SH3D21: variants seen among roughly 807,000 people sequenced by gnomAD.
SH3D21 encodes manchette microtubule inner protein 1.
SH3D21 carries 83 observed loss-of-function variants against 82.1 expected under a neutral mutation model. The observed-to-expected ratio is 1.01, with a 90% CI of 0.85 to 1.21. The LOEUF is 1.21. Ranked by LOEUF, SH3D21 falls within the 50% of genes most tolerant of loss-of-function variation. The probability of loss-of-function intolerance (pLI) is 0.00; values close to 1 mark genes in which losing one functional copy is unlikely to be tolerated. For synonymous variants in SH3D21, 383 were observed against 387.8 expected, an observed-to-expected ratio of 0.99 and a Z score of 0.15; for missense variants, 980 against 962.1, an observed-to-expected ratio of 1.02 and a Z score of -0.25.
chr1:36,310,444 T>C lies in SH3D21; in HGVS notation c.769+854T>C, dbSNP rs1049731388. Reference sequence around the variant, plus strand: ...GCCTGGCCAACATGGCAAAACCTTGTCTCTACTATAAAAATACAAAAATTA... The same window carrying C: ...GCCTGGCCAACATGGCAAAACCTTGCCTCTACTATAAAAATACAAAAATTA... On this transcript the variant is annotated intron_variant, in intron 10 of 15. Transcript: ENST00000453908. Among the ~76,000 whole-genome samples, 35 of 152,122 alleles carry C rather than the reference T, an allele frequency of 2.3e-4. 1 individual carries two copies. The highest frequency in any genetic ancestry group is 8.0e-4 in the African/African-American group (33 of 41,494).
chr1:36,312,646 A>G (rs1051194388), intron 10 of SH3D21, among the ~76,000 whole-genome samples: 1 of 152,206 alleles, frequency 6.6e-6, no homozygotes, highest in African/African-American at 2.4e-5. Context: ...TACAATATTA[A>G]ATAGAAGTAG....
At chr1:36,322,376 C>T (rs369836809), downstream of SH3D21, 19 of 1,592,602 alleles carry the variant, frequency 1.2e-5, no homozygotes, top group Middle Eastern at 7.7e-4. Flanking sequence ...GGTCCGGCTG[C>T]CCGGTGCGCC....
At chr1:36,326,318 G>C (rs111362452), downstream of SH3D21, among the ~76,000 whole-genome samples, 1,227 of 150,840 alleles carry the variant, frequency 8.1e-3, 7 homozygotes, top group Non-Finnish European at 0.012. Context: ...TGCAACCTCT[G>C]TCTCCCGGAT....
downstream of SH3D21, chr1:36,322,652 G>A (rs754506123): frequency 2.5e-5 from 38 of 1,546,632 alleles, no homozygotes; most frequent in East Asian, 8.3e-4. Flanking sequence ...TGCTGATGAC[G>A]AGCAGGCAGA....
Position 36,319,394 on chromosome 1 carries a change from G to A in SH3D21, c.917-48G>A, listed in dbSNP as rs780651578. On this transcript the variant is annotated intron_variant, in intron 12 of 15. Transcript: ENST00000453908. ...GTGCGGAGGGACAGAGGTGGGAAGA[G>A]ACTGAGGGTCAGAGTAGGCTTGGGT... 31 of 1,551,048 alleles carry A rather than the reference G, an allele frequency of 2.0e-5. No homozygotes were observed. In the South Asian group the frequency reaches 3.6e-4, roughly 18 times the overall value.
chr1:36,313,920 T>C (rs1328323923), intron 10 of SH3D21, among the ~76,000 whole-genome samples: 2 of 151,278 alleles, frequency 1.3e-5, no homozygotes, highest in African/African-American at 2.4e-5. Flanking sequence ...TGGTATCTCA[T>C]TGTGGCTTTG....
downstream of SH3D21, chr1:36,322,692 A>G (rs1408403502): frequency 1.9e-6 from 3 of 1,547,318 alleles, no homozygotes; most frequent in Admixed American, 5.9e-5. Context: ...GCAGACGCCC[A>G]GCACGAAGTA....
intron 10 of SH3D21, among the ~76,000 whole-genome samples, chr1:36,316,594 G>A (rs1026433140): frequency 6.6e-6 from 1 of 151,984 alleles, no homozygotes; most frequent in Non-Finnish European, 1.5e-5. Flanking sequence ...AAGCTGCTTC[G>A]GTCCTCCTGA....
chr1:36,318,427 A>T (rs970336111), intron 10 of SH3D21, among the ~76,000 whole-genome samples: 3 of 152,168 alleles, frequency 2.0e-5, no homozygotes, highest in Non-Finnish European at 4.4e-5. Context: ...AATTAAACCC[A>T]TAAGACTGGG....
chr1:36,307,906 T>G lies in SH3D21; in HGVS notation c.493-12T>G. The G allele has an allele frequency of 6.4e-7, 1 of 1,551,674 alleles. No homozygotes were observed. The highest frequency in any genetic ancestry group is 8.7e-7 in the Non-Finnish European group (1 of 1,146,964). On this transcript the variant is annotated splice_polypyrimidine_tract_variant and intron_variant, in intron 6 of 15. Coordinates refer to ENST00000453908, the MANE Select transcript of SH3D21 (RefSeq NM_001162530.2). This position sits in a 1 kb window ranked among gnomAD's most constrained non-coding sequence, Gnocchi z 5.4. ...GGCTCATCTAGTTCCTCCCTGCCCC[T>G]TCCCCCACTAGCTGAGCAGCCTGGC...
chr1:36,321,620 C>T, downstream of SH3D21: 1 of 985,658 alleles, frequency 1.0e-6, no homozygotes, highest in Non-Finnish European at 1.2e-6. The surrounding 1 kb of genome is among the most constrained non-coding windows in gnomAD (Gnocchi z 6.1). Flanking sequence ...TCGGCGCAGA[C>T]GTGAAGTCCA....
chr1:36,316,090 G>C (rs1646337893), intron 10 of SH3D21, among the ~76,000 whole-genome samples: 1 of 152,168 alleles, frequency 6.6e-6, no homozygotes, highest in Non-Finnish European at 1.5e-5. Flanking sequence ...TGTTGTGTCT[G>C]CTGACTCCAT....
chr1:36,327,207 C>T (rs567394114), downstream of SH3D21, among the ~76,000 whole-genome samples: 50 of 152,258 alleles, frequency 3.3e-4, no homozygotes, highest in African/African-American at 9.9e-4. Flanking sequence ...CTGCCTTGGC[C>T]GAGATTTGAA....
At position 36,320,212 on chromosome 1, in the gene SH3D21, T is replaced by C. The variant is rs373370249; in HGVS notation, c.1549T>C (p.Tyr517His). ...SSEEALQKVKYFVAKEDPSSQ... is the reference protein window; with the variant it reads ...SSEEALQKVKHFVAKEDPSSQ... ...GGAGGAAGCCCTGCAGAAGGTCAAG[T>C]ACTTTGTAGCCAAAGAGGATCCATC... The change falls in exon 14 of 16, where the codon TAC (tyrosine) becomes CAC (histidine). Residue 517 changes from tyrosine to histidine, a missense_variant. Transcript: ENST00000453908. The C allele has an allele frequency of 3.1e-6, 5 of 1,613,110 alleles. No homozygotes were observed. The highest frequency in any genetic ancestry group is 2.2e-5 in the East Asian group (1 of 44,886).
At chr1:36,311,627 C>T (rs1459836197) in intron 10 of SH3D21, among the ~76,000 whole-genome samples, 1 of 151,988 alleles carries the variant, frequency 6.6e-6, no homozygotes, top group Non-Finnish European at 1.5e-5. Flanking sequence ...ACCTTTTTCC[C>T]TATGGACAAT....
chr1:36,318,624 T>C (rs1361622988), intron 10 of SH3D21, among the ~76,000 whole-genome samples: 1 of 151,364 alleles, frequency 6.6e-6, no homozygotes, highest in East Asian at 1.9e-4. Flanking sequence ...AATACAAAAA[T>C]TGGCCGGGCG....
rs1646419172 is a variant in SH3D21 at position 36,320,036 on chromosome 1, C to T, written c.1373C>T (p.Ala458Val). Residue 458 changes from alanine to valine, a missense_variant, in exon 14 of 16, where the codon GCC becomes GTC. Transcript: ENST00000453908. Reference sequence around the variant, plus strand: ...GTCTTTTCAGTGGAAGAGTCCCCTGCCCTAGAAGCCCCACCTATGGATAAA... The same window carrying T: ...GTCTTTTCAGTGGAAGAGTCCCCTGTCCTAGAAGCCCCACCTATGGATAAA... Reference protein sequence around the residue: ...ERVFSVEESPALEAPPMDKVP... With the variant: ...ERVFSVEESPVLEAPPMDKVP... 1.2e-6 allele frequency: 2 copies of T among 1,614,134 alleles called. No homozygotes were observed. The highest frequency in any genetic ancestry group is 1.7e-6 in the Non-Finnish European group (2 of 1,180,028).
chr1:36,306,824 C>A lies in SH3D21; in HGVS notation c.163-18C>A. 7.7e-7 allele frequency: 1 copy of A among 1,295,274 alleles called. No individual in the cohort carries two copies. The highest frequency in any genetic ancestry group is 1.0e-6 in the Non-Finnish European group (1 of 989,212). 80.2% of individuals were successfully genotyped at this position (1,295,274 alleles called of 1,614,324 possible). A position where few individuals can be genotyped will look rare whatever the true frequency, so the allele number is the denominator to read the frequency against. Reference sequence around the variant, plus strand: ...CCCCCGGGAGCTGAGAGCGCCTTCCCCGTGCCCTGATTCCCAGGAGATCCC... The same window carrying A: ...CCCCCGGGAGCTGAGAGCGCCTTCCACGTGCCCTGATTCCCAGGAGATCCC... On this transcript the variant is annotated intron_variant, in intron 2 of 15. Coordinates refer to ENST00000453908, the MANE Select transcript of SH3D21 (RefSeq NM_001162530.2). The surrounding 1 kb of genome is among the most constrained non-coding windows in gnomAD (Gnocchi z 4.5).
At chr1:36,319,190 A>AAGG in intron 11 of SH3D21, 26 bp downstream of exon 11, 10 of 1,549,914 alleles carry the variant, frequency 6.5e-6, no homozygotes, top group Non-Finnish European at 8.7e-6. Flanking sequence ...GGGTTGGGGG[A>AAGG]AGGAGGAGGG....
Sources: gnomAD v4.1 joint callset for allele counts (sites outside exome capture counted in the v4.1 genomes callset) on GRCh38, gnomAD v4.1.1 for gene constraint, Gnocchi (gnomAD v3.1) non-coding constraint, MANE v1.5 for transcripts, NCBI Gene and HGNC (gene_info 2026-07-23, HGNC 2026-07-21) for gene names.